C1orf21: variants seen among roughly 807,000 people sequenced by gnomAD.
C1orf21 encodes uncharacterized protein C1orf21.
In C1orf21, 3 loss-of-function variants were observed where a neutral mutation model predicts 18.7. The observed-to-expected ratio is 0.16, with a 90% confidence interval of 0.07 to 0.42. The LOEUF (loss-of-function observed/expected upper bound fraction) is 0.42, where lower values mean the gene tolerates loss of function less well. Among genes scored for constraint, C1orf21 ranks in the 10% least tolerant of loss-of-function variants. The pLI, the probability that C1orf21 is intolerant of heterozygous loss-of-function variation, is 0.99. For synonymous variants in C1orf21, 41 were observed against 46.4 expected, an observed-to-expected ratio of 0.88 and a Z score of 0.47; for missense variants, 104 against 143.6, an observed-to-expected ratio of 0.72 and a Z score of 1.41.
intron 1 of C1orf21, among the ~76,000 whole-genome samples, chr1:184,395,031 C>G (rs569582301): frequency 6.6e-6 from 1 of 152,286 alleles, no homozygotes; most frequent in Admixed American, 6.5e-5. Flanking sequence ...TACTGTGTCT[C>G]TTGAGATCCA....
chr1:184,391,134 A>C (rs1655965772), intron 1 of C1orf21, among the ~76,000 whole-genome samples: 1 of 152,184 alleles, frequency 6.6e-6, no homozygotes, highest in Admixed American at 6.5e-5. Context: ...TGCAACAAGA[A>C]ACAACATGAC....
intron 2 of C1orf21, among the ~76,000 whole-genome samples, chr1:184,504,709 T>A (rs978297961): frequency 6.6e-6 from 1 of 152,168 alleles, no homozygotes; most frequent in Admixed American, 6.5e-5. Context: ...CTTGCCCAGC[T>A]TTTTTTGTTT....
intron 2 of C1orf21, among the ~76,000 whole-genome samples, chr1:184,482,458 G>A (rs907026583): frequency 1.3e-5 from 2 of 152,226 alleles, no homozygotes; most frequent in Non-Finnish European, 2.9e-5. Context: ...CGTAGAAAGA[G>A]GAGGAATTGT....
At chr1:184,478,079 T>C (rs1036398545) in intron 2 of C1orf21, among the ~76,000 whole-genome samples, 1 of 152,168 alleles carries the variant, frequency 6.6e-6, no homozygotes, top group African/African-American at 2.4e-5. Flanking sequence ...GGAGCTAGCA[T>C]TTAAATCAAG....
intron 1 of C1orf21, among the ~76,000 whole-genome samples, chr1:184,452,979 T>C (rs1219853200): frequency 6.6e-6 from 1 of 152,188 alleles, no homozygotes; most frequent in Non-Finnish European, 1.5e-5. Context: ...ATAAAGCCTT[T>C]CATTGAAAGG....
intron 1 of C1orf21, among the ~76,000 whole-genome samples, chr1:184,461,465 T>C (rs1218106351): frequency 6.6e-6 from 1 of 152,190 alleles, no homozygotes; most frequent in Non-Finnish European, 1.5e-5. Flanking sequence ...ATGTGTCTTA[T>C]CAGTGAGCCC....
At chr1:184,571,296 CAAAAAAAAAA>C (rs66868646) in intron 3 of C1orf21, among the ~76,000 whole-genome samples, 2 of 85,576 alleles carry the variant, frequency 2.3e-5, no homozygotes, top group African/African-American at 8.7e-5. Context: ...GACTCCGTCT[CAAAAAAAAAA>C]AAAAAAAAAA....
chr1:184,446,848 G>A (rs1657042483), intron 1 of C1orf21, among the ~76,000 whole-genome samples: 1 of 145,474 alleles, frequency 6.9e-6, no homozygotes, highest in Admixed American at 6.8e-5. Flanking sequence ...TGATTTTTTC[G>A]TGGTTTTTTT....
intron 1 of C1orf21, among the ~76,000 whole-genome samples, chr1:184,422,544 G>T (rs536542236): frequency 6.6e-6 from 1 of 152,210 alleles, no homozygotes; most frequent in East Asian, 1.9e-4. Context: ...GAAGTACAAA[G>T]AGTAGAACAC....
Position 184,628,685 on chromosome 1 carries a change from A to G in C1orf21, c.*9129A>G, listed in dbSNP as rs1298705081. The G allele has an allele frequency of 6.6e-6, 1 of 152,670 alleles. No individual in the cohort carries two copies. Among genetic ancestry groups the G allele is most frequent in the Non-Finnish European group, 1.5e-5 (1 of 68,054 alleles). 9.5% of individuals were successfully genotyped at this position (152,670 alleles called of 1,614,324 possible). ...TGGCTACAGGTGCTAAGCAAAAGTC[A>G]GGTACACTGGACAGAGCCATGCGAT... is the stretch of plus-strand genomic sequence containing the variant. On this transcript the variant is annotated 3_prime_UTR_variant, in exon 6 of 6. Transcript: ENST00000235307.
chr1:184,487,782 T>A (rs1253436456), intron 2 of C1orf21, among the ~76,000 whole-genome samples: 1 of 152,208 alleles, frequency 6.6e-6, no homozygotes, highest in Admixed American at 6.5e-5. Flanking sequence ...TCTTGGCAAA[T>A]TTTTGAGGCT....
chr1:184,449,137 T>A lies in C1orf21; in HGVS notation c.-124-28249T>A, dbSNP rs538801889. Among the ~76,000 whole-genome samples, 445 of 152,228 alleles carry A rather than the reference T, an allele frequency of 2.9e-3. 1 individual carries two copies. Among genetic ancestry groups the A allele is most frequent in the African/African-American group, 6.7e-3 (277 of 41,518 alleles). On this transcript the variant is annotated intron_variant, in intron 1 of 5. Transcript: ENST00000235307. ...CATATGTATACATGTGCCATGTTGG[T>A]GTGCTGCACCCATTAACTCGTCATT...
chr1:184,556,648 A>G (rs1658883799), intron 3 of C1orf21, among the ~76,000 whole-genome samples: 1 of 152,222 alleles, frequency 6.6e-6, no homozygotes, highest in African/African-American at 2.4e-5. Flanking sequence ...TTATTTTGGA[A>G]CTATTCCACA....
At chr1:184,492,442 A>G (rs896565205) in intron 2 of C1orf21, among the ~76,000 whole-genome samples, 4 of 152,206 alleles carry the variant, frequency 2.6e-5, no homozygotes, top group South Asian at 2.1e-4. Flanking sequence ...GCAAGATTAT[A>G]TATGATTATT....
intron 1 of C1orf21, among the ~76,000 whole-genome samples, chr1:184,422,099 G>A (rs1264567940): frequency 6.6e-6 from 1 of 152,182 alleles, no homozygotes; most frequent in African/African-American, 2.4e-5. Context: ...TTTGGCTGAT[G>A]GATAAGATTT....
intron 3 of C1orf21, among the ~76,000 whole-genome samples, chr1:184,536,051 G>A (rs1027706895): frequency 6.6e-6 from 1 of 152,152 alleles, no homozygotes; most frequent in Non-Finnish European, 1.5e-5. Context: ...ATTGCAGAAA[G>A]AAGATTTTAA....
At chr1:184,445,914 C>T (rs1461024859) in intron 1 of C1orf21, among the ~76,000 whole-genome samples, 3 of 152,018 alleles carry the variant, frequency 2.0e-5, no homozygotes, top group Admixed American at 2.0e-4. Context: ...CTAAATATTT[C>T]CCTTGCCAAG....
intron 3 of C1orf21, among the ~76,000 whole-genome samples, chr1:184,575,966 G>T (rs184301747): frequency 3.9e-4 from 59 of 152,194 alleles, no homozygotes; most frequent in African/African-American, 1.3e-3. Context: ...AAAAAAAAAT[G>T]AAACCAAGGT....
At chr1:184,610,185 T>C (rs1659707936) in intron 5 of C1orf21, among the ~76,000 whole-genome samples, 3 of 152,234 alleles carry the variant, frequency 2.0e-5, no homozygotes, top group African/African-American at 7.2e-5. Context: ...GAAAGAAGAC[T>C]ATTTTGTGAC....
Sources: gnomAD v4.1 joint callset for allele counts (sites outside exome capture counted in the v4.1 genomes callset) on GRCh38, gnomAD v4.1.1 for gene constraint, MANE v1.5 for transcripts, NCBI Gene and HGNC (gene_info 2026-07-23, HGNC 2026-07-21) for gene names.